Variants in NALCN observed in about 807,000 individuals in gnomAD.
NALCN encodes the protein sodium leak channel NALCN.
A neutral mutation model predicts 225.3 loss-of-function variants in NALCN; 111 were observed. The ratio of observed to expected loss-of-function variants is 0.49; its 90% confidence interval spans 0.42 to 0.58. The LOEUF (loss-of-function observed/expected upper bound fraction) is 0.58. Ranked by LOEUF, NALCN falls within the 20% of genes least tolerant of loss-of-function variation. NALCN has a pLI of 0.00. For missense variants in NALCN, 1,378 were observed against 2,202.4 expected (o/e 0.63, Z 7.49); for synonymous variants, 764 against 769.0 (o/e 0.99, Z 0.11).
chr13:101,345,291 C>T lies in NALCN; in HGVS notation c.774G>A (p.Leu258=). ...LEDLGLSRQE[L]GYSGFNEIGT... ...CTATCTCATTAAAGCCACTGTAGCCCAGCTCTTGCCTGCTAAGTCCCAGAT... is the reference window on the plus strand; with the variant it reads ...CTATCTCATTAAAGCCACTGTAGCCTAGCTCTTGCCTGCTAAGTCCCAGAT... Residue 258 remains leucine, a synonymous_variant, in exon 7 of 44, where the codon CTG becomes CTA. Transcript: ENST00000251127. The T allele has an allele frequency of 1.2e-6, 2 of 1,613,624 alleles. No homozygotes were observed. The highest frequency in any genetic ancestry group is 1.7e-6 in the Non-Finnish European group (2 of 1,179,720).
At chr13:101,263,356 T>C (rs1219011951) in intron 10 of NALCN, among the ~76,000 whole-genome samples, 1 of 152,226 alleles carries the variant, frequency 6.6e-6, no homozygotes, top group Admixed American at 6.5e-5. Flanking sequence ...AAATTTTTAT[T>C]GTTATTTAGT....
intron 6 of NALCN, among the ~76,000 whole-genome samples, chr13:101,369,647 G>T (rs1435086552): frequency 2.0e-5 from 3 of 152,108 alleles, no homozygotes; most frequent in Non-Finnish European, 4.4e-5. Context: ...TGTACCCACT[G>T]CAGTACTACA....
intron 13 of NALCN, among the ~76,000 whole-genome samples, chr13:101,194,917 T>A (rs1398187438): frequency 6.6e-6 from 1 of 152,150 alleles, no homozygotes; most frequent in African/African-American, 2.4e-5. Context: ...GGAAGAAGAA[T>A]TGCTTGAACC....
At chr13:101,082,752 G>A (rs2033723224) in intron 33 of NALCN, 57 bp downstream of exon 33, 22 of 1,567,498 alleles carry the variant, frequency 1.4e-5, no homozygotes, top group Non-Finnish European at 1.9e-5. Flanking sequence ...GAGGGAGGCT[G>A]ATTTACTTTA....
At chr13:101,337,311 TA>T (rs1286514426) in intron 7 of NALCN, among the ~76,000 whole-genome samples, 4 of 150,246 alleles carry the variant, frequency 2.7e-5, no homozygotes, top group African/African-American at 9.9e-5. Context: ...TTTATTTATT[TA>T]TTTATTTATT....
intron 17 of NALCN, among the ~76,000 whole-genome samples, chr13:101,128,634 T>C (rs914395276): frequency 1.6e-4 from 25 of 152,140 alleles, no homozygotes; most frequent in African/African-American, 5.1e-4. Flanking sequence ...CATGACTCAC[T>C]GCAGTCTTGA....
At chr13:101,146,079 C>A (rs2037332118) in intron 15 of NALCN, among the ~76,000 whole-genome samples, 1 of 152,106 alleles carries the variant, frequency 6.6e-6, no homozygotes, top group South Asian at 2.1e-4. Flanking sequence ...GGAAACATTC[C>A]CATTTCAATA....
chr13:101,139,775 T>C (rs993197863), intron 17 of NALCN, among the ~76,000 whole-genome samples: 7 of 152,248 alleles, frequency 4.6e-5, no homozygotes, highest in Admixed American at 1.3e-4. Context: ...TCTGTGTTTA[T>C]GCGCTCTTGT....
At chr13:101,260,626 G>A (rs1248068819) in intron 10 of NALCN, among the ~76,000 whole-genome samples, 1 of 152,134 alleles carries the variant, frequency 6.6e-6, no homozygotes, top group Non-Finnish European at 1.5e-5. Context: ...GATCAATGAT[G>A]TTGAACACCT....
chr13:101,321,217 T>C (rs1332370817), intron 7 of NALCN, among the ~76,000 whole-genome samples: 3 of 150,638 alleles, frequency 2.0e-5, no homozygotes, highest in Non-Finnish European at 3.0e-5. Context: ...AAATAAATAA[T>C]AGACAAAAGT....
chr13:101,414,849 G>T (rs1566668630), intron 1 of NALCN, among the ~76,000 whole-genome samples: 1 of 152,110 alleles, frequency 6.6e-6, no homozygotes, highest in Non-Finnish European at 1.5e-5. Flanking sequence ...TGTCTTCTAT[G>T]AACACAGAAG....
intron 11 of NALCN, among the ~76,000 whole-genome samples, chr13:101,240,370 T>C (rs572849293): frequency 1.3e-5 from 2 of 152,088 alleles, no homozygotes; most frequent in South Asian, 2.1e-4. Flanking sequence ...TATCTATGTA[T>C]TTTTTCTTTT....
At chr13:101,379,812 T>C (rs1381745183) in intron 3 of NALCN, among the ~76,000 whole-genome samples, 1 of 152,058 alleles carries the variant, frequency 6.6e-6, no homozygotes, top group African/African-American at 2.4e-5. Flanking sequence ...TGTATACCTG[T>C]GTAACAAAAC....
chr13:101,317,990 AG>A (rs2044614928), intron 7 of NALCN, among the ~76,000 whole-genome samples: 1 of 152,144 alleles, frequency 6.6e-6, no homozygotes, highest in Non-Finnish European at 1.5e-5. Flanking sequence ...GTGGTTTTGT[AG>A]TATACAAAAG....
intron 1 of NALCN, among the ~76,000 whole-genome samples, chr13:101,407,272 A>C (rs1187644823): frequency 6.6e-6 from 1 of 152,218 alleles, no homozygotes; most frequent in African/African-American, 2.4e-5. Flanking sequence ...ATGTTGGAAT[A>C]TCCCAAAAGG....
At chr13:101,179,775 A>G (rs764320641) in intron 14 of NALCN, among the ~76,000 whole-genome samples, 2 of 152,142 alleles carry the variant, frequency 1.3e-5, no homozygotes, top group Non-Finnish European at 1.5e-5. Context: ...CGGAGTTGGT[A>G]GCTTCAAACA....
chr13:101,265,298 A>T (rs1242416474), intron 10 of NALCN, among the ~76,000 whole-genome samples: 1 of 152,196 alleles, frequency 6.6e-6, no homozygotes, highest in East Asian at 1.9e-4. Context: ...ACACAAGGTG[A>T]CTTGCCAACG....
chr13:101,084,313 G>A (rs1276384345), intron 30 of NALCN, among the ~76,000 whole-genome samples: 12 of 152,130 alleles, frequency 7.9e-5, no homozygotes, highest in Admixed American at 7.9e-4. Context: ...TGCCTAAATG[G>A]AATTCCATAT....
intron 1 of NALCN, among the ~76,000 whole-genome samples, chr13:101,408,838 G>A (rs2047697697): frequency 6.6e-6 from 1 of 152,110 alleles, no homozygotes; most frequent in Admixed American, 6.5e-5. Flanking sequence ...GGCTACCCAA[G>A]GTGGTGACCA....
Sources: allele counts gnomAD v4.1 joint callset (sites outside exome capture counted in the v4.1 genomes callset), GRCh38; gene constraint gnomAD v4.1.1; transcripts MANE v1.5; gene names NCBI Gene and HGNC (gene_info 2026-07-23, HGNC 2026-07-21).